Variants in FSTL4 observed in about 807,000 individuals in gnomAD.
FSTL4 encodes follistatin-related protein 4.
Under a neutral mutation model 78.2 loss-of-function variants are expected in FSTL4, and 28 were observed. The observed-to-expected ratio is 0.36, with a 90% confidence interval of 0.27 to 0.49. FSTL4 has a LOEUF of 0.49. Ranked by LOEUF, FSTL4 falls within the 20% of genes least tolerant of loss-of-function variation. The probability of loss-of-function intolerance (pLI) is 0.98; values close to 1 mark genes in which losing one functional copy is unlikely to be tolerated. For missense variants in FSTL4, 922 were observed against 1,084.9 expected, an observed-to-expected ratio of 0.85 and a Z score of 2.11; for synonymous variants, 422 against 440.5, an observed-to-expected ratio of 0.96 and a Z score of 0.53.
chr5:133,731,639 A>C, the FSTL4 span, among the ~76,000 whole-genome samples: 1 of 152,182 alleles, frequency 6.6e-6, no homozygotes, highest in Non-Finnish European at 1.5e-5. Context: ...AGAGGGTCAC[A>C]GTTATCCTTA....
At position 133,278,467 on chromosome 5, in the gene FSTL4, T is replaced by C. The variant is rs116738308; in HGVS notation, c.728-28891A>G. Among the ~76,000 whole-genome samples the C allele has an allele frequency of 5.9e-3, 905 of 152,368 alleles. 8 individuals are homozygous for C. Among genetic ancestry groups the C allele is most frequent in the African/African-American group, 0.021 (860 of 41,586 alleles). On this transcript the variant is annotated intron_variant, in intron 6 of 15. Coordinates refer to ENST00000265342, the MANE Select transcript of FSTL4 (RefSeq NM_015082.2). Reference sequence around the variant, plus strand: ...GGGCTCTGTCTGTGCTGGAACTTTCTTTCCCACGTTCTGTCAGGGCTGATA... The same window carrying C: ...GGGCTCTGTCTGTGCTGGAACTTTCCTTCCCACGTTCTGTCAGGGCTGATA...
chr5:133,335,074 G>A (rs1232132743), intron 4 of FSTL4, among the ~76,000 whole-genome samples: 2 of 152,186 alleles, frequency 1.3e-5, no homozygotes, highest in African/African-American at 4.8e-5. Context: ...CAAGGCTCCC[G>A]AAACACCTGG....
chr5:133,254,002 C>G (rs2126827507), intron 6 of FSTL4, among the ~76,000 whole-genome samples: 1 of 152,234 alleles, frequency 6.6e-6, no homozygotes, highest in African/African-American at 2.4e-5. Flanking sequence ...GTTTCTGGGA[C>G]CCTGAAGTTT....
At chr5:133,205,006 T>G (rs947145041) in intron 14 of FSTL4, among the ~76,000 whole-genome samples, 2 of 151,410 alleles carry the variant, frequency 1.3e-5, no homozygotes, top group South Asian at 4.2e-4. Context: ...ACTTTTTTTT[T>G]GTGATAATGC....
intron 3 of FSTL4, 59 bp downstream of exon 3, chr5:133,567,127 A>C: frequency 1.6e-6 from 2 of 1,225,828 alleles, no homozygotes; most frequent in Non-Finnish European, 2.4e-6. Context: ...TAGTTTCAGC[A>C]AACTACTTCA....
At chr5:133,208,510 T>C (rs1174199919) in intron 14 of FSTL4, among the ~76,000 whole-genome samples, 1 of 152,208 alleles carries the variant, frequency 6.6e-6, no homozygotes, top group Admixed American at 6.5e-5. Context: ...ATTGGAAACT[T>C]ATTTAATGTT....
At chr5:133,576,093 T>A (rs1363158122) in intron 2 of FSTL4, among the ~76,000 whole-genome samples, 1 of 151,786 alleles carries the variant, frequency 6.6e-6, no homozygotes. Flanking sequence ...ACAATCCTTA[T>A]TTTTGAATCA....
chr5:133,797,319 G>C, the FSTL4 span, among the ~76,000 whole-genome samples: 1 of 152,218 alleles, frequency 6.6e-6, no homozygotes, highest in Non-Finnish European at 1.5e-5. Flanking sequence ...TTGGTTAAAG[G>C]AGCAAGGCTC....
At chr5:133,668,457 C>T in the FSTL4 span, among the ~76,000 whole-genome samples, 1 of 152,214 alleles carries the variant, frequency 6.6e-6, no homozygotes, top group Non-Finnish European at 1.5e-5. Context: ...GAAGTACCTT[C>T]TCAGATACCA....
the FSTL4 span, among the ~76,000 whole-genome samples, chr5:133,703,602 A>G: frequency 1.3e-5 from 2 of 152,334 alleles, no homozygotes; most frequent in South Asian, 4.1e-4. Context: ...GCCAGCCAGG[A>G]TGGAAAAGTC....
At chr5:133,429,612 T>A (rs919636301) in intron 3 of FSTL4, among the ~76,000 whole-genome samples, 24 of 152,168 alleles carry the variant, frequency 1.6e-4, no homozygotes. Flanking sequence ...TCCTCTTGAT[T>A]GTGAATCTCC....
intron 6 of FSTL4, among the ~76,000 whole-genome samples, chr5:133,289,458 C>T (rs758961393): frequency 7.9e-5 from 12 of 152,220 alleles, no homozygotes; most frequent in Non-Finnish European, 1.5e-4. Context: ...ATTTACATAC[C>T]TCCTTCTTGC....
intron 3 of FSTL4, among the ~76,000 whole-genome samples, chr5:133,548,399 T>A (rs182149455): frequency 6.6e-6 from 1 of 152,134 alleles, no homozygotes; most frequent in African/African-American, 2.4e-5. Context: ...CAGAAATGAA[T>A]TGCAGCATAC....
the FSTL4 span, among the ~76,000 whole-genome samples, chr5:133,734,576 T>A: frequency 1.3e-5 from 2 of 151,912 alleles, no homozygotes; most frequent in Admixed American, 6.6e-5. Flanking sequence ...CGATGGGGAG[T>A]CATTGCACTA....
intron 4 of FSTL4, among the ~76,000 whole-genome samples, chr5:133,396,970 G>C (rs1489303147): frequency 6.6e-6 from 1 of 152,154 alleles, no homozygotes; most frequent in Admixed American, 6.5e-5. Context: ...AAGCTGAAGG[G>C]GCCCCTTAAA....
In FSTL4 at chr5:133,225,365, AGGGCTGCCCAGCCCCTGGGCAGCC is replaced by A; in HGVS notation, c.1178-105_1178-82del. On this transcript the variant is annotated intron_variant, in intron 9 of 15. Coordinates refer to ENST00000265342, the MANE Select transcript of FSTL4 (RefSeq NM_015082.2). This position sits in a 1 kb window ranked among gnomAD's most constrained non-coding sequence, Gnocchi z 4.6. ...CCTTTATGGGGCCATTGAGAGTGTT[AGGGCTGCCCAGCCCCTGGGCAGCC>A]AGCAGCCCTGATTATACGCCCAGGA... 1 of 1,548,666 alleles carries A rather than the reference AGGGCTGCCCAGCCCCTGGGCAGCC, an allele frequency of 6.5e-7. No individual in the cohort carries two copies. Among genetic ancestry groups the A allele is most frequent in the Non-Finnish European group, 8.9e-7 (1 of 1,127,418 alleles).
intron 7 of FSTL4, among the ~76,000 whole-genome samples, chr5:133,237,227 C>T (rs749054054): frequency 5.3e-5 from 8 of 152,132 alleles, no homozygotes; most frequent in African/African-American, 9.7e-5. Context: ...CGGGAGAACT[C>T]GAGGCTCTTT....
At chr5:133,787,197 G>T in the FSTL4 span, among the ~76,000 whole-genome samples, 1 of 152,086 alleles carries the variant, frequency 6.6e-6, no homozygotes, top group African/African-American at 2.4e-5. Flanking sequence ...CAATATTTGG[G>T]ATATACTTAT....
At chr5:133,554,063 C>A (rs1182051471) in intron 3 of FSTL4, among the ~76,000 whole-genome samples, 1 of 152,162 alleles carries the variant, frequency 6.6e-6, no homozygotes, top group East Asian at 1.9e-4. Context: ...AAGGGGTGAC[C>A]CTGTGGGGCC....
Sources: allele counts gnomAD v4.1 joint callset (sites outside exome capture counted in the v4.1 genomes callset), GRCh38; gene constraint gnomAD v4.1.1; non-coding constraint Gnocchi (gnomAD v3.1); transcripts MANE v1.5; gene names NCBI Gene and HGNC (gene_info 2026-07-23, HGNC 2026-07-21).